ZBTB7C: variants seen among roughly 807,000 people sequenced by gnomAD.
ZBTB7C encodes the protein zinc finger and BTB domain-containing protein 7C.
ZBTB7C carries 8 observed loss-of-function variants against 25.7 expected under a neutral mutation model. The observed-to-expected ratio is 0.31, with a 90% CI of 0.18 to 0.56. ZBTB7C has a LOEUF of 0.56. Ranked by LOEUF, ZBTB7C falls within the 20% of genes least tolerant of loss-of-function variation. ZBTB7C has a pLI of 0.91. For synonymous variants in ZBTB7C, 394 were observed against 369.0 expected, an observed-to-expected ratio of 1.07 and a Z score of -0.78; for missense variants, 824 against 855.2, an observed-to-expected ratio of 0.96 and a Z score of 0.46.
intron 3 of ZBTB7C, among the ~76,000 whole-genome samples, chr18:48,136,507 G>C (rs61322349): frequency 6.6e-6 from 1 of 151,712 alleles, no homozygotes; most frequent in African/African-American, 2.4e-5. Context: ...CATGGCTTTT[G>C]TCCCCCCTCC....
At chr18:48,091,132 G>T (rs963092105) in intron 3 of ZBTB7C, among the ~76,000 whole-genome samples, 3 of 151,058 alleles carry the variant, frequency 2.0e-5, no homozygotes, top group Non-Finnish European at 4.4e-5. Context: ...GGAGTACAGT[G>T]GTGTGATCAT....
At position 48,367,371 on chromosome 18, in the gene ZBTB7C, T is replaced by TAA. The variant is rs1555752155; in HGVS notation, c.-303-28975_-303-28974dup. Among the ~76,000 whole-genome samples, 475 of 113,356 alleles carry TAA rather than the reference T, an allele frequency of 4.2e-3. 5 individuals are homozygous for TAA. The highest frequency in any genetic ancestry group is 0.025 in the East Asian group (107 of 4,364). The allele number at this position is 113,356 out of a possible 152,430, so 74.4% of individuals were successfully genotyped here. A position where few individuals can be genotyped will look rare whatever the true frequency, so the allele number is the denominator to read the frequency against. ...GCATATATATATATATATATATATA[T>TAA]AAAATACAAACAGAAGACTCTAAAA... On this transcript the variant is annotated intron_variant, in intron 1 of 4. Transcript: ENST00000590800.
At chr18:48,143,872 C>T (rs2040421240) in intron 3 of ZBTB7C, among the ~76,000 whole-genome samples, 2 of 152,188 alleles carry the variant, frequency 1.3e-5, no homozygotes, top group Admixed American at 6.5e-5. Context: ...GCTATAAATC[C>T]GTACTTGTCT....
Position 48,040,718 on chromosome 18 carries a change from C to A in ZBTB7C, c.390G>T (p.Gly130=). 1 of 1,614,032 alleles carries A rather than the reference C, an allele frequency of 6.2e-7. No homozygotes were observed. Among genetic ancestry groups the A allele is most frequent in the Non-Finnish European group, 8.5e-7 (1 of 1,179,998 alleles). The stretch of plus-strand genomic sequence containing the variant: ...TGTCATCCTCCTCCCCCCCGTCCCC[C>A]CCAGGCTCCATGATCTCCAGGCACA... The part of the protein sequence containing the change: ...VNVCLEIMEP[G]GDGGEEDDKE... Residue 130 remains glycine, a synonymous_variant, in exon 4 of 5, where the codon GGG becomes GGT. Transcript: ENST00000590800.
intron 2 of ZBTB7C, among the ~76,000 whole-genome samples, chr18:48,241,947 T>A (rs918026135): frequency 1.3e-5 from 2 of 151,508 alleles, no homozygotes; most frequent in African/African-American, 4.9e-5. Flanking sequence ...TGAAAGACCA[T>A]TAGCAAGATT....
chr18:48,361,031 G>C (rs942866262), intron 1 of ZBTB7C, among the ~76,000 whole-genome samples: 1 of 152,080 alleles, frequency 6.6e-6, no homozygotes. Context: ...GATGGAATTT[G>C]AAGATAGAGG....
intron 2 of ZBTB7C, among the ~76,000 whole-genome samples, chr18:48,208,939 T>C (rs1247257596): frequency 1.3e-5 from 2 of 152,272 alleles, no homozygotes; most frequent in Non-Finnish European, 2.9e-5. Flanking sequence ...CCATCTGTCC[T>C]GTGCTCACTG....
At chr18:48,326,841 C>T (rs1389878173) in intron 2 of ZBTB7C, among the ~76,000 whole-genome samples, 2 of 152,210 alleles carry the variant, frequency 1.3e-5, no homozygotes, top group East Asian at 3.8e-4. Context: ...AGTGAGAAAT[C>T]TTAGTGTATA....
chr18:48,118,400 G>C (rs1174119007), intron 3 of ZBTB7C, among the ~76,000 whole-genome samples: 1 of 152,134 alleles, frequency 6.6e-6, no homozygotes, highest in Admixed American at 6.5e-5. Context: ...GTGCCACTGA[G>C]ATGCATGCCT....
chr18:48,080,031 CCA>C (rs1020798686), intron 3 of ZBTB7C, among the ~76,000 whole-genome samples: 1 of 152,356 alleles, frequency 6.6e-6, no homozygotes, highest in African/African-American at 2.4e-5. Flanking sequence ...GCAGACGTTA[CCA>C]CACTCTGGCA....
chr18:48,405,911 G>A (rs2048270638), intron 1 of ZBTB7C, among the ~76,000 whole-genome samples: 2 of 151,374 alleles, frequency 1.3e-5, no homozygotes, highest in Admixed American at 6.6e-5. Flanking sequence ...CACACAGGCC[G>A]GGGTTCACTC....
intron 1 of ZBTB7C, among the ~76,000 whole-genome samples, chr18:48,360,624 A>G (rs2047082487): frequency 6.6e-6 from 1 of 152,088 alleles, no homozygotes; most frequent in African/African-American, 2.4e-5. Context: ...CCCAGGTGAG[A>G]GACGAGGGAC....
At chr18:48,298,387 G>A (rs950548443) in intron 2 of ZBTB7C, among the ~76,000 whole-genome samples, 4 of 152,120 alleles carry the variant, frequency 2.6e-5, no homozygotes, top group African/African-American at 7.2e-5. Flanking sequence ...TTCTGATCAG[G>A]GAAGATGACA....
At chr18:48,049,915 C>A (rs1463044399) in intron 3 of ZBTB7C, among the ~76,000 whole-genome samples, 1 of 152,222 alleles carries the variant, frequency 6.6e-6, no homozygotes, top group Non-Finnish European at 1.5e-5. Context: ...CCCCAGCCAG[C>A]CGACTCCCAC....
intron 3 of ZBTB7C, among the ~76,000 whole-genome samples, chr18:48,175,771 G>A (rs2041654659): frequency 6.6e-6 from 1 of 152,168 alleles, no homozygotes; most frequent in African/African-American, 2.4e-5. Flanking sequence ...TCAAAATAGG[G>A]ATAGTGGTGT....
At chr18:48,288,369 C>T (rs973849672) in intron 2 of ZBTB7C, among the ~76,000 whole-genome samples, 22 of 152,254 alleles carry the variant, frequency 1.4e-4, no homozygotes, top group Non-Finnish European at 1.5e-4. Context: ...GCTCAGAGGG[C>T]TGGGCACCGT....
At chr18:48,153,797 T>C (rs919489793) in intron 3 of ZBTB7C, among the ~76,000 whole-genome samples, 8 of 152,208 alleles carry the variant, frequency 5.3e-5, no homozygotes, top group African/African-American at 1.9e-4. Flanking sequence ...CCTGGCCTCA[T>C]GAAATGTTCT....
At chr18:48,237,027 T>C (rs1347649861) in intron 2 of ZBTB7C, among the ~76,000 whole-genome samples, 1 of 152,106 alleles carries the variant, frequency 6.6e-6, no homozygotes, top group African/African-American at 2.4e-5. Context: ...AGGCTGAAAG[T>C]GTTGCTGGAG....
At chr18:48,348,652 A>G (rs2046794748) in intron 1 of ZBTB7C, among the ~76,000 whole-genome samples, 1 of 152,218 alleles carries the variant, frequency 6.6e-6, no homozygotes, top group Non-Finnish European at 1.5e-5. Context: ...CCTTGTCTCT[A>G]CTAAAAATAC....
Sources: gnomAD v4.1 joint callset for allele counts (sites outside exome capture counted in the v4.1 genomes callset) on GRCh38, gnomAD v4.1.1 for gene constraint, MANE v1.5 for transcripts, NCBI Gene and HGNC (gene_info 2026-07-23, HGNC 2026-07-21) for gene names.